The following DMD variants were observed in gnomAD, a reference collection of about 807,000 sequenced individuals.
DMD encodes the protein dystrophin.
Under a neutral mutation model 330.1 loss-of-function variants are expected in DMD, and 63 were observed. That is an observed-to-expected ratio of 0.19 (90% CI 0.16 to 0.24). The LOEUF is 0.24. DMD is among the 10% of genes least tolerant of loss of function. DMD has a pLI of 1.00. For synonymous variants in DMD, 1,223 were observed against 959.8 expected, an observed-to-expected ratio of 1.27 and a Z score of -5.07; for missense variants, 3,344 against 2,684.1, an observed-to-expected ratio of 1.25 and a Z score of -5.43.
chrX:32,529,554 T>C (rs183485924), intron 17 of DMD, among the ~76,000 whole-genome samples: 99 of 108,413 alleles, frequency 9.1e-4, no homozygotes, highest in African/African-American at 2.9e-3. Context: ...ACTTTCTAAA[T>C]TAACTGAGAC....
intron 9 of DMD, among the ~76,000 whole-genome samples, chrX:32,663,512 C>A (rs191083043): frequency 1.8e-5 from 2 of 111,759 alleles, no homozygotes; most frequent in African/African-American, 6.5e-5. Context: ...ATCATAACTT[C>A]ATTTATTTTA....
intron 1 of DMD, among the ~76,000 whole-genome samples, chrX:33,333,832 T>C (rs955203655): frequency 7.2e-5 from 8 of 111,567 alleles, no homozygotes; most frequent in African/African-American, 2.6e-4. Context: ...TCTTTTATAG[T>C]GCAGTGCATT....
chrX:32,034,111 C>T (rs1220397257), intron 44 of DMD, among the ~76,000 whole-genome samples: 6 of 111,673 alleles, frequency 5.4e-5, no homozygotes, highest in Non-Finnish European at 9.4e-5. Flanking sequence ...TTATAAGTTA[C>T]GAGTTAGAAG....
intron 55 of DMD, among the ~76,000 whole-genome samples, chrX:31,516,341 T>C (rs1013861776): frequency 5.9e-5 from 6 of 101,435 alleles, no homozygotes; most frequent in Admixed American, 1.1e-4. Context: ...GAAGAATCCA[T>C]AGGAAGAAAT....
intron 43 of DMD, among the ~76,000 whole-genome samples, chrX:32,241,865 T>C (rs2097209896): frequency 9.0e-6 from 1 of 111,074 alleles, no homozygotes; most frequent in South Asian, 3.8e-4. Flanking sequence ...TTATAATAGG[T>C]ACCAGCATAA....
At chrX:31,329,883 A>G (rs1286089428) in intron 61 of DMD, among the ~76,000 whole-genome samples, 1 of 102,770 alleles carries the variant, frequency 9.7e-6, no homozygotes, top group African/African-American at 3.6e-5. Context: ...AGGCAGGAGA[A>G]TCGCTTGAAC....
At chrX:33,201,226 C>A (rs2051252233) in intron 1 of DMD, among the ~76,000 whole-genome samples, 1 of 111,401 alleles carries the variant, frequency 9.0e-6, no homozygotes, top group African/African-American at 3.3e-5. Flanking sequence ...CCACCGCGAC[C>A]AGCCAATAAC....
chrX:33,106,570 C>T (rs113919972), intron 1 of DMD, among the ~76,000 whole-genome samples: 1,201 of 112,031 alleles, frequency 0.011, 13 homozygotes, highest in African/African-American at 0.036. Context: ...TACTAGTAAT[C>T]ATGTAAAGCC....
chrX:32,782,655 G>A lies in DMD; in HGVS notation c.649+26838C>T, dbSNP rs143723378. Among the ~76,000 whole-genome samples the A allele has an allele frequency of 8.3e-4, 92 of 110,786 alleles. No individual in the cohort carries two copies. In the East Asian group the frequency reaches 0.022, roughly 27 times the overall value. ...TTTAGTGATATACAGTGGGCCCTCC[G>A]TATCTGCGGGTTCTGTATCTGCAAA... On this transcript the variant is annotated intron_variant, in intron 7 of 78. Coordinates refer to ENST00000357033, the MANE Select transcript of DMD (RefSeq NM_004006.3).
intron 7 of DMD, among the ~76,000 whole-genome samples, chrX:32,742,019 T>C (rs1421959980): frequency 9.0e-6 from 1 of 111,682 alleles, no homozygotes; most frequent in Non-Finnish European, 1.9e-5. Flanking sequence ...GAATGTGTGT[T>C]CCATGTCAAA....
chrX:32,741,739 T>G (rs2069302155), intron 7 of DMD, among the ~76,000 whole-genome samples: 1 of 112,001 alleles, frequency 8.9e-6, no homozygotes, highest in Non-Finnish European at 1.9e-5. Flanking sequence ...AACACAATAT[T>G]TGGTTGCATA....
At chrX:32,677,864 G>A (rs773099557) in intron 9 of DMD, among the ~76,000 whole-genome samples, 28 of 111,842 alleles carry the variant, frequency 2.5e-4, no homozygotes, top group African/African-American at 9.1e-4. Context: ...GTAAATGCCC[G>A]ATAGCTGAAT....
intron 11 of DMD, among the ~76,000 whole-genome samples, chrX:32,630,909 A>G (rs1006362193): frequency 9.0e-6 from 1 of 111,641 alleles, no homozygotes; most frequent in African/African-American, 3.3e-5. Flanking sequence ...CTGGGCATTG[A>G]AGACTTTGGT....
chrX:32,148,166 C>T (rs1234312979), intron 44 of DMD, among the ~76,000 whole-genome samples: 1 of 110,752 alleles, frequency 9.0e-6, no homozygotes, highest in African/African-American at 3.3e-5. Context: ...CGTGAGCCAC[C>T]GCACCCGGCC....
intron 63 of DMD, among the ~76,000 whole-genome samples, chrX:31,237,182 T>C (rs1023908621): frequency 1.8e-5 from 2 of 112,667 alleles, no homozygotes; most frequent in African/African-American, 3.2e-5. Context: ...TTAGGAAAGA[T>C]ACATTGTTTG....
rs775220654 is a variant in DMD, at chrX:32,760,126, C to A, written c.649+49367G>T. ...TTAAATGTCACAAAAATCCCCCCAA[C>A]TATTACTATTCCACTGCTATGTATG... On this transcript the variant is annotated intron_variant, in intron 7 of 78. Coordinates refer to ENST00000357033, the MANE Select transcript of DMD (RefSeq NM_004006.3). Among the ~76,000 whole-genome samples, 8 of 111,957 alleles carry A rather than the reference C, an allele frequency of 7.1e-5. No individual in the cohort carries two copies. In the South Asian group the frequency reaches 2.9e-3, roughly 41 times the overall value.
chrX:31,218,419 T>C (rs2045634405), intron 64 of DMD, among the ~76,000 whole-genome samples: 1 of 110,938 alleles, frequency 9.0e-6, no homozygotes, highest in African/African-American at 3.3e-5. Flanking sequence ...AAACTTTCTC[T>C]ATTCAGCCCC....
At position 32,401,737 on chromosome X, in the gene DMD, A is replaced by C. The variant is rs2098087354; in HGVS notation, c.4233+10015T>G. Among the ~76,000 whole-genome samples the C allele has an allele frequency of 2.7e-5, 3 of 112,600 alleles. No individual in the cohort carries two copies. In the Admixed American group the frequency reaches 2.8e-4, roughly 11 times the overall value. On this transcript the variant is annotated intron_variant, in intron 30 of 78. Transcript: ENST00000357033. ...GTACAACTGAATTTTTTATATCACA[A>C]AGGATAGATGCTTAAGGTGATAGAC... is the stretch of plus-strand genomic sequence containing the variant.
At chrX:32,748,624 C>G (rs907383314) in intron 7 of DMD, among the ~76,000 whole-genome samples, 1 of 111,603 alleles carries the variant, frequency 9.0e-6, no homozygotes, top group Non-Finnish European at 1.9e-5. Flanking sequence ...AATGATATCT[C>G]AAACCATAAA....
Sources: allele counts gnomAD v4.1 joint callset (sites outside exome capture counted in the v4.1 genomes callset), GRCh38; gene constraint gnomAD v4.1.1; transcripts MANE v1.5; gene names NCBI Gene and HGNC (gene_info 2026-07-23, HGNC 2026-07-21).